Variants in MTHFSD observed in about 807,000 individuals in gnomAD.
The protein encoded by MTHFSD is methenyltetrahydrofolate synthetase domain containing.
MTHFSD carries 37 observed loss-of-function variants against 31.1 expected under a neutral mutation model. The ratio of observed to expected loss-of-function variants is 1.19; its 90% CI spans 0.91 to 1.56. MTHFSD has a LOEUF of 1.56. Ranked by LOEUF, MTHFSD falls within the 40% of genes most tolerant of loss-of-function variation. MTHFSD has a pLI of 0.00. For missense variants in MTHFSD, 664 were observed against 510.1 expected (o/e 1.30, Z -2.91); for synonymous variants, 221 against 206.9 (o/e 1.07, Z -0.59).
In MTHFSD at chr16:86,531,938, A is replaced by T; in HGVS notation, c.*73T>A. On this transcript the variant is annotated 3_prime_UTR_variant, in exon 8 of 8. Coordinates refer to ENST00000360900, the MANE Select transcript of MTHFSD (RefSeq NM_001159377.2). The surrounding 1 kb of genome is among the most constrained non-coding windows in gnomAD (Gnocchi z 5.5). ...CACGTCTTGCCACGCAGGCCTCTCG[A>T]GTGCCATCGGAACCGGAGCGGCAGG... is the stretch of plus-strand genomic sequence containing the variant. The T allele has an allele frequency of 9.3e-7, 1 of 1,074,430 alleles. No individual in the cohort carries two copies. The highest frequency in any genetic ancestry group is 1.3e-6 in the Non-Finnish European group (1 of 797,092). The allele number at this position is 1,074,430 out of a possible 1,614,324, so 66.6% of individuals were successfully genotyped here.
At chr16:86,534,368 A>G (rs547614919) in intron 7 of MTHFSD, among the ~76,000 whole-genome samples, 2 of 152,278 alleles carry the variant, frequency 1.3e-5, no homozygotes, top group East Asian at 1.9e-4. Flanking sequence ...ACGGAAGGAT[A>G]TATTTGTCTT....
Position 86,548,111 on chromosome 16 carries a change from C to A in MTHFSD, c.351+353G>T, listed in dbSNP as rs138069694. 211 of 1,295,274 alleles carry A rather than the reference C, an allele frequency of 1.6e-4. 2 individuals carry two copies. In the East Asian group the frequency reaches 7.5e-3, roughly 46 times the overall value. 80.2% of individuals were successfully genotyped at this position (1,295,274 alleles called of 1,614,324 possible). A position where few individuals can be genotyped will look rare whatever the true frequency, so the allele number is the denominator to read the frequency against. On this transcript the variant is annotated intron_variant, in intron 4 of 7. Transcript: ENST00000360900. ...TGTCTCCCCAGTCGCTCTGGTGGCA[C>A]CTGATGAACAGGCCGGGAATAAGAA... is the stretch of plus-strand genomic sequence containing the variant.
Position 86,532,339 on chromosome 16 carries a change from A to G in MTHFSD, c.824T>C (p.Val275Ala). 6.3e-7 allele frequency: 1 copy of G among 1,594,448 alleles called. No individual in the cohort carries two copies. Among genetic ancestry groups the G allele is most frequent in the Non-Finnish European group, 8.5e-7 (1 of 1,171,202 alleles). The change falls in exon 8 of 8, where the codon GTT becomes GCT. Residue 275 changes from valine (V) to alanine (A), a missense_variant. Coordinates refer to ENST00000360900, the MANE Select transcript of MTHFSD (RefSeq NM_001159377.2). ...PGCQQTVPLS[V>A]GRRPPDTPGP... ...GGGTGTGTCCGGGGGCCTCCTGCCA[A>G]CACTCAGGGGCACTGTCTGCTGGCA...
chr16:86,543,661 C>CGGAGCTCTG (rs750498652), intron 5 of MTHFSD, among the ~76,000 whole-genome samples: 4 of 152,216 alleles, frequency 2.6e-5, no homozygotes, highest in Non-Finnish European at 5.9e-5. Context: ...GTGTGTGCCA[C>CGGAGCTCTG]CGTCCCTTCT....
intron 2 of MTHFSD, among the ~76,000 whole-genome samples, chr16:86,554,324 G>C (rs552947145): frequency 6.6e-6 from 1 of 152,138 alleles, no homozygotes; most frequent in African/African-American, 2.4e-5. Context: ...CTCCAGACAC[G>C]CTGCCTTTAA....
rs34005514 is a variant in MTHFSD at position 86,552,137 on chromosome 16, G to T, written c.133C>A (p.Leu45Met). 4.3e-6 allele frequency: 7 copies of T among 1,614,082 alleles called. No individual in the cohort carries two copies. Among genetic ancestry groups the T allele is most frequent in the African/African-American group, 1.3e-5 (1 of 74,928 alleles). The change falls in exon 3 of 8, where the codon CTG becomes ATG. Residue 45 changes from leucine to methionine, a missense_variant. Coordinates refer to ENST00000360900, the MANE Select transcript of MTHFSD (RefSeq NM_001159377.2). ...HRIPNFKGSYLACQNIKDLDV... is the reference protein window; with the variant it reads ...HRIPNFKGSYMACQNIKDLDV... ...AGGTCTTTGATGTTTTGGCAAGCCA[G>T]ATAAGACCCCTAGTTAGGCAAATAG... is the stretch of plus-strand genomic sequence containing the variant.
chr16:86,535,607 ATAG>A, intron 7 of MTHFSD: 2 of 600,026 alleles, frequency 3.3e-6, no homozygotes, highest in Non-Finnish European at 4.2e-6. Context: ...AAAAAAAAAA[ATAG>A]AATAAACTTT....
chr16:86,534,967 A>T (rs1361294536), intron 7 of MTHFSD, among the ~76,000 whole-genome samples: 1 of 152,148 alleles, frequency 6.6e-6, no homozygotes, highest in Non-Finnish European at 1.5e-5. Flanking sequence ...GTAGCACCTC[A>T]AGGTTCCCTA....
At position 86,552,154 on chromosome 16, in the gene MTHFSD, G is replaced by C. The variant is rs1176998458; in HGVS notation, c.124-8C>G. ...GCAAGCCAGATAAGACCCCTAGTTAGGCAAATAGACAGAGTTGCACTTACT... is the reference window on the plus strand; with the variant it reads ...GCAAGCCAGATAAGACCCCTAGTTACGCAAATAGACAGAGTTGCACTTACT... On this transcript the variant is annotated splice_polypyrimidine_tract_variant and splice_region_variant and intron_variant, in intron 2 of 7. Coordinates refer to ENST00000360900, the MANE Select transcript of MTHFSD (RefSeq NM_001159377.2). 1.2e-6 allele frequency: 2 copies of C among 1,614,074 alleles called. No individual in the cohort carries two copies. Among genetic ancestry groups the C allele is most frequent in the African/African-American group, 1.3e-5 (1 of 74,932 alleles).
intron 4 of MTHFSD, among the ~76,000 whole-genome samples, 176 bp downstream of exon 4, chr16:86,548,288 C>T (rs1307191619): frequency 1.3e-5 from 2 of 152,234 alleles, no homozygotes; most frequent in African/African-American, 4.8e-5. Flanking sequence ...TCTGTTTACT[C>T]AGTTTTCCCA....
intron 3 of MTHFSD, among the ~76,000 whole-genome samples, chr16:86,549,252 T>C (rs367981850): frequency 2.0e-5 from 3 of 152,256 alleles, no homozygotes; most frequent in African/African-American, 7.2e-5. Context: ...TCGATGAGCC[T>C]TCCAGTGACT....
intron 1 of MTHFSD, 95 bp downstream of exon 1, chr16:86,555,074 C>T (rs1484130733): frequency 3.4e-5 from 51 of 1,503,648 alleles, no homozygotes; most frequent in Non-Finnish European, 4.4e-5. Context: ...TCTGCCCCAT[C>T]CTCTGCCAGC....
At chr16:86,551,614 G>A (rs371036913) in intron 3 of MTHFSD, among the ~76,000 whole-genome samples, 1 of 152,178 alleles carries the variant, frequency 6.6e-6, no homozygotes, top group Non-Finnish European at 1.5e-5. Context: ...AACATGACAA[G>A]TGACCGTCTG....
chr16:86,554,220 T>C (rs1308169922), intron 2 of MTHFSD, among the ~76,000 whole-genome samples: 2 of 152,212 alleles, frequency 1.3e-5, no homozygotes, highest in Non-Finnish European at 2.9e-5. Context: ...CACTCTCTGC[T>C]AAGGTCTGCA....
chr16:86,539,667 C>G (rs893515690), intron 7 of MTHFSD, among the ~76,000 whole-genome samples: 2 of 152,150 alleles, frequency 1.3e-5, no homozygotes, highest in Admixed American at 6.5e-5. Flanking sequence ...GATGGTCAAT[C>G]AAGGAGATGC....
chr16:86,536,365 C>T (rs1970693055), intron 7 of MTHFSD, among the ~76,000 whole-genome samples: 1 of 152,352 alleles, frequency 6.6e-6, no homozygotes, highest in Admixed American at 6.5e-5. Flanking sequence ...AACATAAACG[C>T]CAGGCAGGCC....
At chr16:86,546,715 T>A (rs1256517877) in intron 4 of MTHFSD, 66 bp from the exon 5 acceptor site, 2 of 1,362,578 alleles carry the variant, frequency 1.5e-6, no homozygotes, top group Non-Finnish European at 2.1e-6. Context: ...TAATTCATGA[T>A]CAAAGTGCAC....
chr16:86,536,344 T>A (rs1970689898), intron 7 of MTHFSD, among the ~76,000 whole-genome samples: 1 of 152,264 alleles, frequency 6.6e-6, no homozygotes, highest in South Asian at 2.1e-4. Flanking sequence ...GGGACCGTGC[T>A]GCCTTCCGTA....
intron 7 of MTHFSD, among the ~76,000 whole-genome samples, chr16:86,539,804 T>G (rs1303297644): frequency 6.6e-6 from 1 of 152,192 alleles, no homozygotes; most frequent in African/African-American, 2.4e-5. Context: ...TCTTTGCGTA[T>G]TGAAAATGGG....
Sources: gnomAD v4.1 joint callset for allele counts (sites outside exome capture counted in the v4.1 genomes callset) on GRCh38, gnomAD v4.1.1 for gene constraint, Gnocchi (gnomAD v3.1) non-coding constraint, MANE v1.5 for transcripts, NCBI Gene and HGNC (gene_info 2026-07-23, HGNC 2026-07-21) for gene names.